Variants in RPS24 observed in about 807,000 individuals in gnomAD.
RPS24 encodes ribosomal protein S24.
For synonymous variants in RPS24, 72 were observed against 55.6 expected (o/e 1.30, Z -1.31); for missense variants, 100 against 162.5 (o/e 0.62, Z 2.09).
intron 4 of RPS24, chr10:78,037,661 T>C: frequency 3.1e-6 from 1 of 326,864 alleles, no homozygotes; most frequent in East Asian, 8.1e-5. Flanking sequence ...ATTTTACTTA[T>C]TAATATGGAC....
intron 4 of RPS24, among the ~76,000 whole-genome samples, chr10:78,052,709 G>A (rs1321020374): frequency 6.6e-6 from 1 of 152,140 alleles, no homozygotes; most frequent in Non-Finnish European, 1.5e-5. Context: ...GAGATGATGG[G>A]GTGTAAGCCC....
chr10:78,040,120 T>G, intron 4 of RPS24, 84 bp from the exon 5 acceptor site: 2 of 1,316,942 alleles, frequency 1.5e-6, no homozygotes, highest in Non-Finnish European at 2.2e-6. Context: ...TAAATGCAGA[T>G]TATTTTGGAG....
chr10:78,037,253 A>G lies in RPS24; in HGVS notation c.339A>G (p.Arg113=). The G allele has an allele frequency of 6.2e-7, 1 of 1,608,588 alleles. No homozygotes were observed. Among genetic ancestry groups the G allele is most frequent in the Non-Finnish European group, 8.5e-7 (1 of 1,177,402 alleles). The stretch of plus-strand genomic sequence containing the variant: ...AGCAACGAAAGGAACGCAAGAACAG[A>G]ATGAAGAAAGTCAGGGGGACTGCAA... ...SRKQRKERKN[R]MKKVRGTAKA... Residue 113 remains arginine, a synonymous_variant, in exon 4 of 6, where the codon AGA becomes AGG. Coordinates refer to ENST00000372360, the MANE Select transcript of RPS24 (RefSeq NM_033022.4).
rs1847914163 is a variant in RPS24, at chr10:78,038,025, C to CT, written c.390+722dup. 8 of 1,224,890 alleles carry CT rather than the reference C, an allele frequency of 6.5e-6. No homozygotes were observed. In the Admixed American group the frequency reaches 2.2e-4, roughly 33 times the overall value. 75.9% of individuals were successfully genotyped at this position (1,224,890 alleles called of 1,614,324 possible). ...ACGGTGTGGGGATGCATCACCTTCACTGAGTTTGCTTTGATGATGCTTTGC... is the reference window on the plus strand; with the variant it reads ...ACGGTGTGGGGATGCATCACCTTCACTTGAGTTTGCTTTGATGATGCTTTGC... On this transcript the variant is annotated intron_variant, in intron 4 of 5. Coordinates refer to ENST00000372360, the MANE Select transcript of RPS24 (RefSeq NM_033022.4).
chr10:78,043,144 C>T (rs1360690648), downstream of RPS24, among the ~76,000 whole-genome samples: 1 of 152,162 alleles, frequency 6.6e-6, no homozygotes, highest in Middle Eastern at 3.2e-3. Context: ...GCTGGGACTA[C>T]AGGTGCCCGC....
chr10:78,034,904 C>T (rs931977644), intron 1 of RPS24, among the ~76,000 whole-genome samples: 4 of 152,244 alleles, frequency 2.6e-5, no homozygotes, highest in South Asian at 4.1e-4. Context: ...TGATTTTTCT[C>T]CTAAGGGAAC....
At position 78,035,829 on chromosome 10, in the gene RPS24, C is replaced by T. The variant is rs1212910818; in HGVS notation, c.279+109C>T. 9 of 900,096 alleles carry T rather than the reference C, an allele frequency of 1.0e-5. No individual in the cohort carries two copies. In the Admixed American group the frequency reaches 1.4e-4, roughly 14 times the overall value. The allele number at this position is 900,096 out of a possible 1,614,324, so 55.8% of individuals were successfully genotyped here. On this transcript the variant is annotated intron_variant, in intron 3 of 5. Transcript: ENST00000372360. Reference sequence around the variant, plus strand: ...AGACCAAGCAATCTGGGATACAACTCTGAAAGGATTAAGAGAAAAAGTTAT... The same window carrying T: ...AGACCAAGCAATCTGGGATACAACTTTGAAAGGATTAAGAGAAAAAGTTAT...
At chr10:78,049,519 T>C (rs1256788481) in intron 4 of RPS24, among the ~76,000 whole-genome samples, 1 of 152,228 alleles carries the variant, frequency 6.6e-6, no homozygotes, top group Non-Finnish European at 1.5e-5. Flanking sequence ...TCAGGGTTGG[T>C]GGACACTGCA....
At chr10:78,050,017 T>G (rs541061033) in intron 4 of RPS24, among the ~76,000 whole-genome samples, 2 of 152,296 alleles carry the variant, frequency 1.3e-5, no homozygotes, top group East Asian at 3.9e-4. Context: ...GGAAGTTTAC[T>G]GGGAAGCTGT....
chr10:78,045,052 G>A (rs1324552547), downstream of RPS24, among the ~76,000 whole-genome samples: 1 of 151,988 alleles, frequency 6.6e-6, no homozygotes, highest in Admixed American at 6.6e-5. Context: ...GCAATGGCAC[G>A]ACCTCAGCTC....
exon 5 of RPS24, chr10:78,055,356 G>T (rs1848140399): frequency 5.6e-6 from 1 of 177,956 alleles, no homozygotes. Context: ...GAAGCTGCGT[G>T]AAGTTAGAGA....
In RPS24 at chr10:78,034,776, G is replaced by A. The variant is rs1291597787; in HGVS notation, c.4-576G>A. Among the ~76,000 whole-genome samples, 5 of 152,318 alleles carry A rather than the reference G, an allele frequency of 3.3e-5. No individual in the cohort carries two copies. In the East Asian group the frequency reaches 9.6e-4, roughly 29 times the overall value. On this transcript the variant is annotated intron_variant, in intron 1 of 5. Coordinates refer to ENST00000372360, the MANE Select transcript of RPS24 (RefSeq NM_033022.4). Reference sequence around the variant, plus strand: ...TTCTAGAAGGATAGATTACATGTAGGTAGTGAGTACAAGGTTTGGGGCACA... The same window carrying A: ...TTCTAGAAGGATAGATTACATGTAGATAGTGAGTACAAGGTTTGGGGCACA...
At chr10:78,037,902 C>CTTTTTTTTTTTTTTTTTTTTTTT (rs55902139) in intron 4 of RPS24, 525 of 379,840 alleles carry the variant, frequency 1.4e-3, no homozygotes, top group East Asian at 3.6e-3. Context: ...GTTCTGTGAA[C>CTTTTTTTTTTTTTTTTTTTTTTT]TTTTTTTTTT....
downstream of RPS24, among the ~76,000 whole-genome samples, chr10:78,043,161 G>T (rs1210429043): frequency 2.0e-5 from 3 of 151,996 alleles, no homozygotes; most frequent in East Asian, 5.8e-4. Context: ...CCGCCACCAT[G>T]CCCGGGTAAT....
intron 4 of RPS24, 172 bp downstream of exon 4, chr10:78,037,476 C>CT (rs1178702687): frequency 3.6e-5 from 40 of 1,096,426 alleles, no homozygotes; most frequent in Admixed American, 5.9e-5. Context: ...AGCATAGTGT[C>CT]TTAACACCTC....
chr10:78,033,961 C>T (rs1847798559), intron 1 of RPS24, 57 bp downstream of exon 1: 3 of 1,608,828 alleles, frequency 1.9e-6, no homozygotes, highest in African/African-American at 1.3e-5. Context: ...ATCCGTGGTC[C>T]CTGGGTCCCA....
chr10:78,039,970 C>T (rs1317803282), intron 4 of RPS24: 18 of 603,512 alleles, frequency 3.0e-5, no homozygotes, highest in East Asian at 9.0e-5. Context: ...CCGGCTACCT[C>T]GTTTGCATAA....
At chr10:78,050,094 C>A (rs1358454510) in intron 4 of RPS24, among the ~76,000 whole-genome samples, 3 of 152,106 alleles carry the variant, frequency 2.0e-5, no homozygotes, top group Non-Finnish European at 4.4e-5. Context: ...TCTGGAAAAT[C>A]ATTTCAGAAC....
intron 4 of RPS24, among the ~76,000 whole-genome samples, chr10:78,046,983 GTT>G (rs1017380436): frequency 6.8e-6 from 1 of 145,994 alleles, no homozygotes. Flanking sequence ...CAGGTAACCT[GTT>G]TTTTTTTTTG....
Sources: allele counts gnomAD v4.1 joint callset (sites outside exome capture counted in the v4.1 genomes callset), GRCh38; gene constraint gnomAD v4.1.1; transcripts MANE v1.5; gene names NCBI Gene and HGNC (gene_info 2026-07-23, HGNC 2026-07-21).